Variants in OSBPL8 observed in about 807,000 individuals in gnomAD.
OSBPL8 encodes the protein oxysterol-binding protein-related protein 8.
Under a neutral mutation model 125.5 loss-of-function variants are expected in OSBPL8, and 59 were observed. That is an observed-to-expected ratio of 0.47 (90% CI 0.38 to 0.58). OSBPL8 has a LOEUF of 0.58. OSBPL8 is among the 20% of genes least tolerant of loss of function. The pLI is 0.00. For synonymous variants in OSBPL8, 330 were observed against 338.9 expected (o/e 0.97, Z 0.29); for missense variants, 758 against 1,047.8 (o/e 0.72, Z 3.82).
chr12:76,555,823 T>C (rs1314403817), intron 1 of OSBPL8, among the ~76,000 whole-genome samples: 1 of 152,232 alleles, frequency 6.6e-6, no homozygotes, highest in African/African-American at 2.4e-5. Flanking sequence ...CAAGTTAATC[T>C]TTTTATTTAG....
intron 21 of OSBPL8, among the ~76,000 whole-genome samples, chr12:76,360,731 G>A (rs1195116033): frequency 6.6e-6 from 1 of 152,206 alleles, no homozygotes; most frequent in Non-Finnish European, 1.5e-5. Context: ...TGACTTCTGT[G>A]CACCACAGGC....
chr12:76,542,625 C>G (rs191048798), intron 1 of OSBPL8, among the ~76,000 whole-genome samples: 100 of 152,308 alleles, frequency 6.6e-4, no homozygotes, highest in African/African-American at 2.4e-3. Flanking sequence ...AGGATTCTCC[C>G]CTTGGATGAA....
At chr12:76,448,927 C>A (rs377377636) in intron 4 of OSBPL8, among the ~76,000 whole-genome samples, 3 of 152,110 alleles carry the variant, frequency 2.0e-5, no homozygotes, top group African/African-American at 7.2e-5. Context: ...GCAGGAGAAT[C>A]GCTTGAACCC....
intron 2 of OSBPL8, among the ~76,000 whole-genome samples, chr12:76,486,525 G>A (rs1288673421): frequency 2.0e-5 from 3 of 152,110 alleles, no homozygotes; most frequent in African/African-American, 4.8e-5. Context: ...CACTCAAAAT[G>A]CAACAAGAGA....
chr12:76,358,391 A>G (rs1033648528), intron 22 of OSBPL8, among the ~76,000 whole-genome samples: 2 of 152,024 alleles, frequency 1.3e-5, no homozygotes, highest in Admixed American at 1.3e-4. Flanking sequence ...CATGTTAGCC[A>G]GGCTGGTCTT....
At chr12:76,399,263 A>G (rs1028263775) in intron 7 of OSBPL8, among the ~76,000 whole-genome samples, 12 of 152,000 alleles carry the variant, frequency 7.9e-5, no homozygotes, top group African/African-American at 2.9e-4. Flanking sequence ...AAGTACTAAA[A>G]TTTTCTGTGA....
intron 4 of OSBPL8, among the ~76,000 whole-genome samples, chr12:76,436,778 A>G (rs147048209): frequency 1.2e-4 from 18 of 152,298 alleles, no homozygotes; most frequent in Admixed American, 1.2e-3. Flanking sequence ...TTTAAATATG[A>G]TATACACAAG....
intron 21 of OSBPL8, among the ~76,000 whole-genome samples, chr12:76,365,209 T>C (rs942991640): frequency 2.6e-5 from 4 of 152,198 alleles, no homozygotes; most frequent in Non-Finnish European, 5.9e-5. Flanking sequence ...CCCAAAGTGC[T>C]GAGGTTACAG....
intron 4 of OSBPL8, among the ~76,000 whole-genome samples, chr12:76,429,796 G>C (rs1870596512): frequency 1.3e-5 from 2 of 151,954 alleles, no homozygotes; most frequent in Admixed American, 1.3e-4. Flanking sequence ...TGGGAATAAT[G>C]CTTACTGTCT....
intron 2 of OSBPL8, among the ~76,000 whole-genome samples, chr12:76,481,309 C>A (rs936715708): frequency 6.6e-6 from 1 of 152,102 alleles, no homozygotes; most frequent in Non-Finnish European, 1.5e-5. Flanking sequence ...TGCTATTGTA[C>A]AACAATACTT....
intron 3 of OSBPL8, among the ~76,000 whole-genome samples, chr12:76,451,939 C>T (rs753853096): frequency 2.6e-5 from 4 of 151,960 alleles, no homozygotes; most frequent in Non-Finnish European, 5.9e-5. Flanking sequence ...GCCAACGTGG[C>T]GAAACCCCGT....
chr12:76,450,946 C>T lies in OSBPL8; in HGVS notation c.122G>A (p.Gly41Glu), dbSNP rs1302268698. The T allele has an allele frequency of 1.9e-6, 3 of 1,613,862 alleles. No individual in the cohort carries two copies. Among genetic ancestry groups the T allele is most frequent in the East Asian group, 2.2e-5 (1 of 44,844 alleles). ...NSDESQLLTP[G>E]KMSQRQGKEA... is the part of the protein sequence containing the mutation. ...TTTTCCTTGGCGCTGACTCATCTTTCCTGGTGTCAGAAGCTGAGATTCGTC... is the reference window on the plus strand; with the variant it reads ...TTTTCCTTGGCGCTGACTCATCTTTTCTGGTGTCAGAAGCTGAGATTCGTC... Residue 41 changes from glycine to glutamate, a missense_variant, in exon 4 of 24, where the codon GGA becomes GAA. Physicochemically the swap from Gly to Glu is moderately conservative, Grantham distance 98 (BLOSUM62 -2). Transcript: ENST00000261183.
Position 76,413,386 on chromosome 12 carries a change from C to G in OSBPL8, c.218-2752G>C, listed in dbSNP as rs78587363. Among the ~76,000 whole-genome samples the G allele has an allele frequency of 1.1e-4, 17 of 152,254 alleles. No individual in the cohort carries two copies. The East Asian group carries it at 3.3e-3, about 29-fold the overall frequency. Reference sequence around the variant, plus strand: ...TTAGAACCCTACTGCATGACTATACCACTATTTATCCATTCCACCATTATC... The same window carrying G: ...TTAGAACCCTACTGCATGACTATACGACTATTTATCCATTCCACCATTATC... On this transcript the variant is annotated intron_variant, in intron 4 of 23. Transcript: ENST00000261183.
intron 17 of OSBPL8, among the ~76,000 whole-genome samples, chr12:76,373,893 TA>T (rs1952715103): frequency 6.6e-6 from 1 of 151,648 alleles, no homozygotes; most frequent in Non-Finnish European, 1.5e-5. Context: ...CTCCAAAAAA[TA>T]AAATTAGAAG....
chr12:76,516,215 G>A (rs976926011), intron 1 of OSBPL8, among the ~76,000 whole-genome samples: 1 of 152,198 alleles, frequency 6.6e-6, no homozygotes, highest in African/African-American at 2.4e-5. Flanking sequence ...GAAAGCAGGA[G>A]ATGAAACTCC....
Position 76,393,996 on chromosome 12 carries a change from G to GC in OSBPL8, c.757+648dup, listed in dbSNP as rs1953684076. Among the ~76,000 whole-genome samples the GC allele has an allele frequency of 2.0e-5, 3 of 152,214 alleles. No individual in the cohort carries two copies. The South Asian group carries it at 6.2e-4, about 32-fold the overall frequency. On this transcript the variant is annotated intron_variant, in intron 9 of 23. Coordinates refer to ENST00000261183, the MANE Select transcript of OSBPL8 (RefSeq NM_020841.5). ...GATCGTGCCACTGCACTCCAGGCTG[G>GC]CAACAGAGCGAGACTCCATCTCAAA...
chr12:76,407,508 C>T (rs2136394986), intron 5 of OSBPL8, among the ~76,000 whole-genome samples: 1 of 152,234 alleles, frequency 6.6e-6, no homozygotes, highest in East Asian at 1.9e-4. Flanking sequence ...TCAGCCTCCC[C>T]AAGTGCTGGG....
chr12:76,402,814 C>T lies in OSBPL8; in HGVS notation c.289-48G>A, dbSNP rs371906860. ...GAAATTAAATCCTTCAGATTTTCTA[C>T]ACGTCGCATAAAAATTAATGTTAAA... On this transcript the variant is annotated intron_variant, in intron 5 of 23. Transcript: ENST00000261183. 39 of 1,203,780 alleles carry T rather than the reference C, an allele frequency of 3.2e-5. No individual in the cohort carries two copies. In the East Asian group the frequency reaches 5.2e-4, roughly 16 times the overall value. 74.6% of individuals were successfully genotyped at this position (1,203,780 alleles called of 1,614,324 possible). A position where few individuals can be genotyped will look rare whatever the true frequency, so the allele number is the denominator to read the frequency against.
intron 22 of OSBPL8, among the ~76,000 whole-genome samples, chr12:76,358,175 C>CTT (rs60714321): frequency 0.069 from 6,890 of 100,068 alleles, 484 homozygotes; most frequent in African/African-American, 0.14. Flanking sequence ...GAGTGTGGTT[C>CTT]TTTTTTTTTT....
Sources: gnomAD v4.1 joint callset for allele counts (sites outside exome capture counted in the v4.1 genomes callset) on GRCh38, gnomAD v4.1.1 for gene constraint, MANE v1.5 for transcripts, NCBI Gene and HGNC (gene_info 2026-07-23, HGNC 2026-07-21) for gene names.